The following CRADD variants were observed in gnomAD, a reference collection of about 807,000 sequenced individuals.
CRADD encodes death domain-containing protein CRADD.
Under a neutral mutation model 15.5 loss-of-function variants are expected in CRADD, and 9 were observed. The ratio of observed to expected loss-of-function variants is 0.58; its 90% CI spans 0.35 to 1.01. The LOEUF is 1.01. Among genes scored for constraint, CRADD ranks in the 50% least tolerant of loss-of-function variants. The pLI is 0.02. For missense variants in CRADD, 227 were observed against 250.3 expected (o/e 0.91, Z 0.63); for synonymous variants, 118 against 107.6 (o/e 1.10, Z -0.60).
intron 2 of CRADD, among the ~76,000 whole-genome samples, chr12:93,712,723 G>A (rs765808666): frequency 9.2e-5 from 14 of 152,268 alleles, no homozygotes; most frequent in Middle Eastern, 3.4e-3. Flanking sequence ...TCTGATTTTC[G>A]AGAGTGAGGA....
intron 2 of CRADD, among the ~76,000 whole-genome samples, chr12:93,690,439 G>A (rs1387625752): frequency 6.6e-6 from 1 of 152,182 alleles, no homozygotes; most frequent in African/African-American, 2.4e-5. Context: ...TAGATAAAAC[G>A]CTGGAGAGCA....
In CRADD at chr12:93,850,528, T is replaced by C. The variant is rs1409804362; in HGVS notation, c.*257T>C. On this transcript the variant is annotated 3_prime_UTR_variant, in exon 3 of 3. Transcript: ENST00000332896. This position sits in a 1 kb window ranked among gnomAD's most constrained non-coding sequence, Gnocchi z 4.0. Reference sequence around the variant, plus strand: ...TTGTTGTAATTGTTCAGTTTTTAAATGTGTAATGGCATTTTAATAGACTAG... The same window carrying C: ...TTGTTGTAATTGTTCAGTTTTTAAACGTGTAATGGCATTTTAATAGACTAG... 1 of 1,187,596 alleles carries C rather than the reference T, an allele frequency of 8.4e-7. No homozygotes were observed. Among genetic ancestry groups the C allele is most frequent in the Non-Finnish European group, 1.0e-6 (1 of 956,746 alleles). The allele number at this position is 1,187,596 out of a possible 1,614,324, so 73.6% of individuals were successfully genotyped here.
intron 2 of CRADD, among the ~76,000 whole-genome samples, chr12:93,773,468 C>A (rs1172481905): frequency 2.0e-5 from 3 of 152,190 alleles, no homozygotes; most frequent in Non-Finnish European, 4.4e-5. Context: ...ATTGTGAAGC[C>A]TCCCCACCAC....
chr12:93,718,680 T>C (rs534600101), intron 2 of CRADD, among the ~76,000 whole-genome samples: 9 of 152,304 alleles, frequency 5.9e-5, no homozygotes, highest in South Asian at 2.1e-4. Context: ...AGTTATGACT[T>C]CCAATTTGAT....
At chr12:93,827,593 A>G (rs536509801) in intron 2 of CRADD, among the ~76,000 whole-genome samples, 11 of 152,336 alleles carry the variant, frequency 7.2e-5, no homozygotes, top group Non-Finnish European at 1.3e-4. Context: ...TGGCTAGACT[A>G]TATGGTAGAT....
At chr12:93,877,321 C>T (rs1381030520) in intron 2 of CRADD, among the ~76,000 whole-genome samples, 1 of 152,218 alleles carries the variant, frequency 6.6e-6, no homozygotes, top group Non-Finnish European at 1.5e-5. Context: ...GCCTATGTAA[C>T]CACTACGTGG....
At chr12:93,690,676 T>C (rs186835036) in intron 2 of CRADD, among the ~76,000 whole-genome samples, 276 of 152,316 alleles carry the variant, frequency 1.8e-3, no homozygotes, top group African/African-American at 5.7e-3. Flanking sequence ...GACTAAGGTG[T>C]TAGATAAATT....
chr12:93,758,029 C>A (rs1269992204), intron 2 of CRADD, among the ~76,000 whole-genome samples: 1 of 152,164 alleles, frequency 6.6e-6, no homozygotes, highest in Non-Finnish European at 1.5e-5. Context: ...TTGGTATATT[C>A]CTCCTATCAT....
intron 2 of CRADD, among the ~76,000 whole-genome samples, chr12:93,712,969 C>G (rs1956100266): frequency 6.6e-6 from 1 of 152,084 alleles, no homozygotes; most frequent in Non-Finnish European, 1.5e-5. Flanking sequence ...CCAGTGTTCT[C>G]TCTGTTCCAG....
chr12:93,821,929 C>A (rs1419089560), intron 2 of CRADD, among the ~76,000 whole-genome samples: 1 of 152,004 alleles, frequency 6.6e-6, no homozygotes, highest in Non-Finnish European at 1.5e-5. Context: ...ACCAGCCTTG[C>A]CAACATGGTG....
At chr12:93,700,096 A>C (rs777553164) in intron 2 of CRADD, among the ~76,000 whole-genome samples, 16 of 152,186 alleles carry the variant, frequency 1.1e-4, no homozygotes, top group Non-Finnish European at 2.4e-4. Flanking sequence ...GACGCCAAGT[A>C]CTTCCCTGAC....
chr12:93,686,315 A>AAAAAAG (rs1273590163), intron 2 of CRADD, among the ~76,000 whole-genome samples: 1 of 150,824 alleles, frequency 6.6e-6, no homozygotes, highest in Non-Finnish European at 1.5e-5. Context: ...AAAAAAAAAA[A>AAAAAAG]AAAAAAAAAA....
intron 2 of CRADD, among the ~76,000 whole-genome samples, chr12:93,838,653 C>T (rs986463156): frequency 6.6e-6 from 1 of 151,172 alleles, no homozygotes; most frequent in African/African-American, 2.4e-5. Context: ...CATTCATATA[C>T]TCACTCTTGT....
At chr12:93,760,551 C>G (rs1483596209) in intron 2 of CRADD, among the ~76,000 whole-genome samples, 1 of 152,082 alleles carries the variant, frequency 6.6e-6, no homozygotes, top group Non-Finnish European at 1.5e-5. Flanking sequence ...ATAATTTGTC[C>G]TACCCCACAG....
chr12:93,855,388 C>T (rs933122732), downstream of CRADD, among the ~76,000 whole-genome samples: 4 of 152,148 alleles, frequency 2.6e-5, no homozygotes, highest in African/African-American at 9.7e-5. Context: ...GGCTACTGCA[C>T]ACCAGTCACT....
intron 2 of CRADD, among the ~76,000 whole-genome samples, chr12:93,785,507 C>T (rs945489226): frequency 1.3e-5 from 2 of 152,118 alleles, no homozygotes; most frequent in African/African-American, 2.4e-5. Context: ...GCTTCTTTTC[C>T]CCTTCAGTAT....
chr12:93,729,975 C>T (rs1268616640), intron 2 of CRADD, among the ~76,000 whole-genome samples: 5 of 152,016 alleles, frequency 3.3e-5, no homozygotes, highest in Non-Finnish European at 7.4e-5. Flanking sequence ...CAAAATCAGA[C>T]CAAAGATATG....
At chr12:93,696,165 G>A (rs1955701515) in intron 2 of CRADD, among the ~76,000 whole-genome samples, 2 of 152,144 alleles carry the variant, frequency 1.3e-5, no homozygotes, top group South Asian at 4.1e-4. Flanking sequence ...TAGTCATTAT[G>A]GAAAACAGTA....
At chr12:93,879,396 G>A (rs1001107250) in intron 2 of CRADD, among the ~76,000 whole-genome samples, 1 of 152,140 alleles carries the variant, frequency 6.6e-6, no homozygotes, top group Admixed American at 6.5e-5. Context: ...TATAAGGTTG[G>A]TTTTAAGGTC....
Sources: allele counts gnomAD v4.1 joint callset (sites outside exome capture counted in the v4.1 genomes callset), GRCh38; gene constraint gnomAD v4.1.1; non-coding constraint Gnocchi (gnomAD v3.1); transcripts MANE v1.5; gene names NCBI Gene and HGNC (gene_info 2026-07-23, HGNC 2026-07-21).